SLC25A48: variants seen among roughly 807,000 people sequenced by gnomAD.
The protein encoded by SLC25A48 is CTC-321K16.1.
SLC25A48 carries 29 observed loss-of-function variants against 32.2 expected under a neutral mutation model. The ratio of observed to expected loss-of-function variants is 0.90; its 90% CI spans 0.67 to 1.23. The LOEUF (loss-of-function observed/expected upper bound fraction) is 1.23, where lower values mean the gene tolerates loss of function less well. Among genes scored for constraint, SLC25A48 ranks in the 50% most tolerant of loss-of-function variants. The probability of loss-of-function intolerance (pLI) is 0.00; values close to 1 mark genes in which losing one functional copy is unlikely to be tolerated. For synonymous variants in SLC25A48, 164 were observed against 172.3 expected (o/e 0.95, Z 0.38); for missense variants, 399 against 422.7 (o/e 0.94, Z 0.49).
intron 3 of SLC25A48, among the ~76,000 whole-genome samples, chr5:135,710,384 T>C (rs1754624201): frequency 6.6e-6 from 1 of 152,232 alleles, no homozygotes; most frequent in Non-Finnish European, 1.5e-5. Context: ...ATGGATTGCA[T>C]GAAAGGGTGT....
At chr5:135,632,565 A>G (rs181064551) in intron 2 of SLC25A48, among the ~76,000 whole-genome samples, 94 of 152,308 alleles carry the variant, frequency 6.2e-4, no homozygotes, top group African/African-American at 2.1e-3. Flanking sequence ...GGCCTCTCTC[A>G]TTCTTGGGAA....
intron 3 of SLC25A48, among the ~76,000 whole-genome samples, chr5:135,703,345 G>A (rs1024678831): frequency 6.6e-6 from 1 of 152,140 alleles, no homozygotes; most frequent in South Asian, 2.1e-4. Context: ...AACCCCACAC[G>A]GCAGCCCAGT....
At chr5:135,818,490 C>A (rs1207524939) in intron 4 of SLC25A48, among the ~76,000 whole-genome samples, 1 of 152,144 alleles carries the variant, frequency 6.6e-6, no homozygotes, top group Non-Finnish European at 1.5e-5. Context: ...AAAAAACAGA[C>A]CCAAATGAAT....
At chr5:135,656,700 G>T (rs948600510) in intron 3 of SLC25A48, among the ~76,000 whole-genome samples, 1 of 152,144 alleles carries the variant, frequency 6.6e-6, no homozygotes, top group African/African-American at 2.4e-5. Context: ...CTCAATTCTG[G>T]TTTCCTTATC....
At chr5:135,748,133 A>G (rs11750461) in intron 3 of SLC25A48, among the ~76,000 whole-genome samples, 69,825 of 151,994 alleles carry the variant, frequency 0.46, 16,901 homozygotes, top group Non-Finnish European at 0.54. Context: ...GGTAGGGACT[A>G]TTGTCATTTC....
intron 3 of SLC25A48, among the ~76,000 whole-genome samples, chr5:135,768,324 C>A (rs185944073): frequency 1.7e-4 from 26 of 150,598 alleles, no homozygotes; most frequent in African/African-American, 5.8e-4. Flanking sequence ...TGATATTACT[C>A]CCAATTTCCA....
At chr5:135,654,848 T>G (rs1315363731) in intron 3 of SLC25A48, among the ~76,000 whole-genome samples, 1 of 152,238 alleles carries the variant, frequency 6.6e-6, no homozygotes, top group Non-Finnish European at 1.5e-5. Context: ...GAGTTTCCAG[T>G]TCTTCCACAT....
At chr5:135,843,629 G>A (rs982826153) in intron 2 of SLC25A48, among the ~76,000 whole-genome samples, 2 of 152,198 alleles carry the variant, frequency 1.3e-5, no homozygotes, top group African/African-American at 4.8e-5. Context: ...TCTCTGCCAG[G>A]GAGGCAGCTA....
chr5:135,850,610 C>A, intron 3 of SLC25A48, 114 bp downstream of exon 3: 3 of 926,086 alleles, frequency 3.2e-6, no homozygotes, highest in South Asian at 1.5e-5. Flanking sequence ...CTGCTCTTCA[C>A]ACTCAGCTTG....
chr5:135,871,664 G>A lies in SLC25A48; in HGVS notation c.625G>A (p.Glu209Lys), dbSNP rs1363364135. 2 of 1,614,064 alleles carry A rather than the reference G, an allele frequency of 1.2e-6. No homozygotes were observed. Among genetic ancestry groups the A allele is most frequent in the African/African-American group, 1.3e-5 (1 of 74,922 alleles). Residue 209 changes from glutamate to lysine, a missense_variant, in exon 5 of 8, where the codon GAG becomes AAG. Coordinates refer to ENST00000681962, the MANE Select transcript of SLC25A48 (RefSeq NM_001349336.2). ...GTTCCTGAGTGAGTGGATCACACCT[G>A]AGGCCTGCACAGGCCCCAGCCCCTG... ...YVFLSEWITP[E>K]ACTGPSPCAV...
chr5:135,799,457 G>T (rs1362671063), intron 3 of SLC25A48, among the ~76,000 whole-genome samples: 2 of 151,356 alleles, frequency 1.3e-5, no homozygotes, highest in Non-Finnish European at 3.0e-5. Context: ...TCCCAATATT[G>T]CAGGAAGTGT....
chr5:135,880,917 C>T (rs113646003), intron 7 of SLC25A48, among the ~76,000 whole-genome samples: 69 of 152,238 alleles, frequency 4.5e-4, no homozygotes, highest in Non-Finnish European at 8.1e-4. Flanking sequence ...TAGGGTGAGT[C>T]GCGCCTTCTG....
chr5:135,763,764 T>TACACACACACACAC (rs56030521), intron 3 of SLC25A48, among the ~76,000 whole-genome samples: 32 of 125,732 alleles, frequency 2.5e-4, no homozygotes, highest in African/African-American at 8.1e-4. Context: ...AACACACACA[T>TACACACACACACAC]ACACACACAC....
chr5:135,821,417 G>A (rs929514892), intron 4 of SLC25A48, among the ~76,000 whole-genome samples: 2 of 152,172 alleles, frequency 1.3e-5, no homozygotes, highest in Non-Finnish European at 2.9e-5. Context: ...GCGGACTGAG[G>A]CACCCCAGAG....
intron 3 of SLC25A48, among the ~76,000 whole-genome samples, chr5:135,806,605 G>T (rs919403967): frequency 1.3e-5 from 2 of 149,574 alleles, no homozygotes; most frequent in African/African-American, 4.9e-5. Flanking sequence ...ATATCATAGT[G>T]TTTTCACTAG....
chr5:135,866,582 C>G (rs1292910918), intron 4 of SLC25A48, among the ~76,000 whole-genome samples: 1 of 152,164 alleles, frequency 6.6e-6, no homozygotes, highest in Non-Finnish European at 1.5e-5. Flanking sequence ...TTGGCCAAAC[C>G]TGGACCTACA....
chr5:135,771,208 G>C (rs35110662), intron 3 of SLC25A48, among the ~76,000 whole-genome samples: 2 of 150,966 alleles, frequency 1.3e-5, no homozygotes, highest in Non-Finnish European at 3.0e-5. Context: ...GTTTGTAATA[G>C]CCGGGGGGGA....
intron 1 of SLC25A48, among the ~76,000 whole-genome samples, chr5:135,603,573 T>C (rs1580715923): frequency 6.6e-6 from 1 of 151,426 alleles, no homozygotes; most frequent in Non-Finnish European, 1.5e-5. Context: ...GGTGGGGGGG[T>C]GCGAGCCAGC....
intron 1 of SLC25A48, among the ~76,000 whole-genome samples, chr5:135,599,958 C>G (rs1280694746): frequency 6.6e-6 from 1 of 152,028 alleles, no homozygotes; most frequent in African/African-American, 2.4e-5. Flanking sequence ...CTGTCTGTCC[C>G]TGCCATAACA....
Sources: gnomAD v4.1 joint callset for allele counts (sites outside exome capture counted in the v4.1 genomes callset) on GRCh38, gnomAD v4.1.1 for gene constraint, MANE v1.5 for transcripts, NCBI Gene and HGNC (gene_info 2026-07-23, HGNC 2026-07-21) for gene names.